Variants in COL22A1 observed in about 807,000 individuals in gnomAD.
COL22A1 encodes the protein collagen alpha-1(XXII) chain.
A neutral mutation model predicts 248.9 loss-of-function variants in COL22A1; 221 were observed. The ratio of observed to expected loss-of-function variants is 0.89; its 90% confidence interval spans 0.80 to 0.99. COL22A1 has a LOEUF of 0.99. COL22A1 is among the 50% of genes least tolerant of loss of function. The probability of loss-of-function intolerance (pLI) is 0.00; values close to 1 mark genes in which losing one functional copy is unlikely to be tolerated. For synonymous variants in COL22A1, 891 were observed against 793.4 expected (o/e 1.12, Z -2.07); for missense variants, 2,240 against 2,179.0 (o/e 1.03, Z -0.56).
chr8:138,748,061 AG>A (rs1832274073), intron 22 of COL22A1, among the ~76,000 whole-genome samples: 1 of 152,178 alleles, frequency 6.6e-6, no homozygotes, highest in Non-Finnish European at 1.5e-5. Context: ...TGCCTTCTCA[AG>A]GGGGCACTTC....
intron 39 of COL22A1, among the ~76,000 whole-genome samples, chr8:138,680,166 A>G (rs1825850474): frequency 6.6e-6 from 1 of 152,254 alleles, no homozygotes; most frequent in African/African-American, 2.4e-5. Flanking sequence ...AAGAAAGAAC[A>G]GAGCACATGA....
At chr8:138,785,233 C>G (rs1815412039) in intron 12 of COL22A1, among the ~76,000 whole-genome samples, 1 of 152,202 alleles carries the variant, frequency 6.6e-6, no homozygotes, top group Non-Finnish European at 1.5e-5. Context: ...GGCGGAGAAG[C>G]TCTGCGTGGA....
chr8:138,896,258 T>G (rs1339334310), intron 1 of COL22A1, among the ~76,000 whole-genome samples: 1 of 152,178 alleles, frequency 6.6e-6, no homozygotes, highest in Non-Finnish European at 1.5e-5. Flanking sequence ...AAAAAAAAAT[T>G]TGATGACTAA....
intron 3 of COL22A1, among the ~76,000 whole-genome samples, chr8:138,864,348 G>T (rs1237133165): frequency 2.0e-5 from 3 of 151,778 alleles, no homozygotes; most frequent in Non-Finnish European, 2.9e-5. Flanking sequence ...ATATCAGGGG[G>T]TCCTCACACA....
chr8:138,661,931 T>A lies in COL22A1; in HGVS notation c.3240+99A>T, dbSNP rs1229290029. ...GAAATCCTCAACCGGGCTACAAAGTTGGCCACATGGTCAAAGGAGGCCAGG... is the reference window on the plus strand; with the variant it reads ...GAAATCCTCAACCGGGCTACAAAGTAGGCCACATGGTCAAAGGAGGCCAGG... On this transcript the variant is annotated intron_variant, in intron 43 of 64. Coordinates refer to ENST00000303045, the MANE Select transcript of COL22A1 (RefSeq NM_152888.3). 4 of 789,022 alleles carry A rather than the reference T, an allele frequency of 5.1e-6. No homozygotes were observed. In the African/African-American group the frequency reaches 7.0e-5, roughly 14 times the overall value. The allele number at this position is 789,022 out of a possible 1,614,324, so 48.9% of individuals were successfully genotyped here. A position where few individuals can be genotyped will look rare whatever the true frequency, so the allele number is the denominator to read the frequency against.
chr8:138,763,292 C>T (rs1485545059), intron 16 of COL22A1, among the ~76,000 whole-genome samples: 1 of 151,944 alleles, frequency 6.6e-6, no homozygotes, highest in Admixed American at 6.6e-5. Flanking sequence ...GAGGCTGAGG[C>T]ACGAGAATGG....
intron 44 of COL22A1, among the ~76,000 whole-genome samples, chr8:138,657,344 A>G (rs1305349799): frequency 6.6e-6 from 1 of 152,222 alleles, no homozygotes; most frequent in Non-Finnish European, 1.5e-5. Context: ...AATAATAGGA[A>G]AGGGTTCATA....
At chr8:138,666,137 T>C (rs934599672) in intron 41 of COL22A1, among the ~76,000 whole-genome samples, 1 of 152,204 alleles carries the variant, frequency 6.6e-6, no homozygotes, top group Non-Finnish European at 1.5e-5. Flanking sequence ...CTTGACCAAA[T>C]GAATGATAAA....
intron 41 of COL22A1, 84 bp downstream of exon 41, chr8:138,676,474 A>AAAGAAAGAAAGGAAGGAAG: frequency 1.5e-6 from 1 of 645,504 alleles, no homozygotes; most frequent in South Asian, 2.3e-5. Flanking sequence ...AGAAAGAAAG[A>AAAGAAAGAAAGGAAGGAAG]AAAGAGTGTT....
intron 47 of COL22A1, among the ~76,000 whole-genome samples, chr8:138,644,998 G>A (rs1459926008): frequency 6.6e-6 from 1 of 152,140 alleles, no homozygotes; most frequent in African/African-American, 2.4e-5. Flanking sequence ...AGCAACCGTG[G>A]TGACAGTAAG....
intron 1 of COL22A1, among the ~76,000 whole-genome samples, chr8:138,886,786 TGAAGG>T: frequency 6.6e-6 from 1 of 152,340 alleles, no homozygotes; most frequent in Admixed American, 6.5e-5. Flanking sequence ...AAGTACACCA[TGAAGG>T]GATTAAAGTC....
chr8:138,626,305 A>G, intron 50 of COL22A1, 62 bp from the exon 51 acceptor site: 1 of 1,338,710 alleles, frequency 7.5e-7, no homozygotes, highest in South Asian at 1.2e-5. Flanking sequence ...GAAGTAAATG[A>G]CTTCACAAGG....
In COL22A1 at chr8:138,821,401, C is replaced by A. The variant is rs779455719; in HGVS notation, c.980G>T (p.Arg327Leu). The A allele has an allele frequency of 1.2e-6, 2 of 1,612,140 alleles. No homozygotes were observed. The highest frequency in any genetic ancestry group is 2.7e-5 in the African/African-American group (2 of 74,978). ...DQYSIPQVSI[R>L]LDGENKAVEY... ...GACTGCCTTGTTTTCACCATCCAGC[C>A]GGATGGAGACCTGGGGAGGAAAGGA... Residue 327 changes from arginine to leucine, a missense_variant, in exon 7 of 65, where the codon CGG becomes CTG. Coordinates refer to ENST00000303045, the MANE Select transcript of COL22A1 (RefSeq NM_152888.3).
chr8:138,853,169 G>A (rs1821767879), intron 3 of COL22A1, among the ~76,000 whole-genome samples: 1 of 152,010 alleles, frequency 6.6e-6, no homozygotes, highest in South Asian at 2.1e-4. Context: ...AGAAAGACCT[G>A]GTCTCAAAAA....
chr8:138,614,094 TG>T (rs1465876475), intron 55 of COL22A1, among the ~76,000 whole-genome samples, 174 bp from the exon 56 acceptor site: 2 of 152,242 alleles, frequency 1.3e-5, no homozygotes, highest in Non-Finnish European at 2.9e-5. Context: ...ACTCCCTTCC[TG>T]TGGGTGAGTA....
intron 1 of COL22A1, among the ~76,000 whole-genome samples, chr8:138,910,135 T>C (rs1363676294): frequency 6.6e-6 from 1 of 152,224 alleles, no homozygotes; most frequent in Non-Finnish European, 1.5e-5. Context: ...GGAATGGTCA[T>C]GTCATATGAT....
intron 3 of COL22A1, among the ~76,000 whole-genome samples, chr8:138,876,711 C>T (rs1823740298): frequency 6.6e-6 from 1 of 152,150 alleles, no homozygotes; most frequent in Non-Finnish European, 1.5e-5. Context: ...CACCCAGCTG[C>T]TCTCATCACG....
At chr8:138,604,149 A>G (rs1190371468) in intron 59 of COL22A1, among the ~76,000 whole-genome samples, 5 of 152,192 alleles carry the variant, frequency 3.3e-5, no homozygotes, top group African/African-American at 1.2e-4. Context: ...GGCACGTCTC[A>G]GGAGCTAAGA....
intron 12 of COL22A1, among the ~76,000 whole-genome samples, chr8:138,783,369 C>G (rs1815214641): frequency 6.6e-6 from 1 of 151,930 alleles, no homozygotes. Flanking sequence ...CATCTGCAGG[C>G]TGAGAAGCAA....
Sources: gnomAD v4.1 joint callset for allele counts (sites outside exome capture counted in the v4.1 genomes callset) on GRCh38, gnomAD v4.1.1 for gene constraint, MANE v1.5 for transcripts, NCBI Gene and HGNC (gene_info 2026-07-23, HGNC 2026-07-21) for gene names.